Variants in PPP1R13L observed in about 807,000 individuals in gnomAD.
The protein encoded by PPP1R13L is protein phosphatase 1 regulatory subunit 13 like.
Under a neutral mutation model 80.9 loss-of-function variants are expected in PPP1R13L, and 50 were observed. The observed-to-expected ratio is 0.62, with a 90% CI of 0.49 to 0.78. PPP1R13L has a LOEUF of 0.78. Ranked by LOEUF, PPP1R13L falls within the 30% of genes least tolerant of loss-of-function variation. The pLI is 0.00. For synonymous variants in PPP1R13L, 602 were observed against 534.3 expected (o/e 1.13, Z -1.75); for missense variants, 1,200 against 1,205.9 (o/e 1.00, Z 0.07).
Position 45,386,082 on chromosome 19 carries a change from C to T in PPP1R13L, c.1914G>A (p.Gly638=), listed in dbSNP as rs757681505. ...LVLLLDAALT[G]ELEVVQQAVK... ...CCGCCTGCTGCACCACCTCCAGCTC[C>T]CCGGTCAGCGCCGCGTCCAGGAGGA... is the stretch of plus-strand genomic sequence containing the variant. The change falls in exon 9 of 13, where the codon GGG becomes GGA. Residue 638 remains glycine, a synonymous_variant. Coordinates refer to ENST00000360957, the MANE Select transcript of PPP1R13L (RefSeq NM_006663.4). 3 of 1,581,868 alleles carry T rather than the reference C, an allele frequency of 1.9e-6. No individual in the cohort carries two copies. In the African/African-American group the frequency reaches 4.0e-5, roughly 21 times the overall value.
intron 8 of PPP1R13L, among the ~76,000 whole-genome samples, chr19:45,388,737 CTTTTA>C (rs1384397307): frequency 2.0e-5 from 3 of 151,102 alleles, no homozygotes; most frequent in Non-Finnish European, 2.9e-5. Context: ...GAAGAGTTTC[CTTTTA>C]TTTTATTTTA....
chr19:45,396,314 A>C lies in PPP1R13L; in HGVS notation c.811+24T>G, dbSNP rs762861156. ...GGGCTGCCTCTCCTCCGGGTCCTCC[A>C]TTCCCCGGGCCTCCACCACTCACGT... On this transcript the variant is annotated intron_variant, in intron 5 of 12. Coordinates refer to ENST00000360957, the MANE Select transcript of PPP1R13L (RefSeq NM_006663.4). This position sits in a 1 kb window ranked among gnomAD's most constrained non-coding sequence, Gnocchi z 5.3. 1.8e-5 allele frequency: 29 copies of C among 1,613,788 alleles called. No individual in the cohort carries two copies. In the South Asian group the frequency reaches 3.1e-4, roughly 17 times the overall value.
chr19:45,380,010 A>G lies in PPP1R13L; in HGVS notation c.*180T>C, dbSNP rs112443418. On this transcript the variant is annotated 3_prime_UTR_variant, in exon 13 of 13. Coordinates refer to ENST00000360957, the MANE Select transcript of PPP1R13L (RefSeq NM_006663.4). Reference sequence around the variant, plus strand: ...CTCCCAAGGCTAAGGCAGATTACTAAATTTAAGGCTGGGGCCCTCCTTCTT... The same window carrying G: ...CTCCCAAGGCTAAGGCAGATTACTAGATTTAAGGCTGGGGCCCTCCTTCTT... 5.3e-3 allele frequency: 3,595 copies of G among 677,488 alleles called. 95 individuals are homozygous for G. The African/African-American group carries it at 0.057, about 11-fold the overall frequency. 42.0% of individuals were successfully genotyped at this position (677,488 alleles called of 1,614,324 possible). A position where few individuals can be genotyped will look rare whatever the true frequency, so the allele number is the denominator to read the frequency against.
Position 45,391,990 on chromosome 19 carries a change from T to TG in PPP1R13L, c.1704dup (p.Ile569HisfsTer3), listed in dbSNP as rs750130710. 1 of 1,530,476 alleles carries TG rather than the reference T, an allele frequency of 6.5e-7. No homozygotes were observed. The highest frequency in any genetic ancestry group is 8.8e-7 in the Non-Finnish European group (1 of 1,141,810). The allele number at this position is 1,530,476 out of a possible 1,614,324, so 94.8% of individuals were successfully genotyped here. A position where few individuals can be genotyped will look rare whatever the true frequency, so the allele number is the denominator to read the frequency against. Reference sequence around the variant, plus strand: ...GCCCTGGCCTCAGATCCCTCAGTGATGGGGGACAGCTCTGGCTCCGGCCCC... The same window carrying TG: ...GCCCTGGCCTCAGATCCCTCAGTGATGGGGGGACAGCTCTGGCTCCGGCCCC... On this transcript the variant is annotated frameshift_variant, in exon 8 of 13. Coordinates refer to ENST00000360957, the MANE Select transcript of PPP1R13L (RefSeq NM_006663.4). LOFTEE classifies it high-confidence loss of function.
intron 7 of PPP1R13L, chr19:45,395,136 T>G (rs925842314): frequency 8.0e-6 from 3 of 372,838 alleles, no homozygotes; most frequent in Non-Finnish European, 1.5e-5. Flanking sequence ...TGAGCCACCG[T>G]GCCCGGCCCA....
chr19:45,382,157 G>C (rs1345463608), intron 12 of PPP1R13L, among the ~76,000 whole-genome samples: 2 of 151,620 alleles, frequency 1.3e-5, no homozygotes, highest in Non-Finnish European at 2.9e-5. Context: ...AGCCCGGGTG[G>C]GGGGGGCCCG....
At position 45,396,776 on chromosome 19, in the gene PPP1R13L, GCCGC is replaced by G; in HGVS notation, c.477_480del (p.Arg160ProfsTer63). On this transcript the variant is annotated frameshift_variant, in exon 4 of 13. Transcript: ENST00000360957. LOFTEE classifies it high-confidence loss of function. This position sits in a 1 kb window ranked among gnomAD's most constrained non-coding sequence, Gnocchi z 5.3. ...TGCTGGCGGAGCGGGCCTGGCCCGGGCCGCGGGGAGGGCGCACGGCCGAGGGAGC... is the reference window on the plus strand; with the variant it reads ...TGCTGGCGGAGCGGGCCTGGCCCGGGGGGGAGGGCGCACGGCCGAGGGAGC... 13 of 1,355,456 alleles carry G rather than the reference GCCGC, an allele frequency of 9.6e-6. No individual in the cohort carries two copies. Among genetic ancestry groups the G allele is most frequent in the Non-Finnish European group, 1.2e-5 (13 of 1,064,388 alleles). 84.0% of individuals were successfully genotyped at this position (1,355,456 alleles called of 1,614,324 possible). A position where few individuals can be genotyped will look rare whatever the true frequency, so the allele number is the denominator to read the frequency against.
At position 45,396,920 on chromosome 19, in the gene PPP1R13L, A is replaced by G; in HGVS notation, c.337T>C (p.Ser113Pro). 2.0e-6 allele frequency: 3 copies of G among 1,490,462 alleles called. No homozygotes were observed. The highest frequency in any genetic ancestry group is 2.7e-5 in the South Asian group (2 of 74,674). 92.3% of individuals were successfully genotyped at this position (1,490,462 alleles called of 1,614,324 possible). ...GGCGACGACGGCCGTCCCTTGGGGG[A>G]CAGCGGGCTGTAGGGGTGTAGGGTT... is the stretch of plus-strand genomic sequence containing the variant. ...APTLHPYSPLSPKGRPSSPRT... is the reference protein window; with the variant it reads ...APTLHPYSPLPPKGRPSSPRT... The change falls in exon 4 of 13, where the codon TCC (serine) becomes CCC (proline). Residue 113 changes from serine to proline, a missense_variant. Around this residue, in one of 5 missense-constraint regions of PPP1R13L, gnomAD observed 764 missense variants for 714.5 expected, o/e 1.07. Transcript: ENST00000360957. The surrounding 1 kb of genome is among the most constrained non-coding windows in gnomAD (Gnocchi z 5.3).
Position 45,391,960 on chromosome 19 carries a change from GC to G in PPP1R13L, c.1734del (p.Pro580LeufsTer57). 6.6e-7 allele frequency: 1 copy of G among 1,513,906 alleles called. No homozygotes were observed. The highest frequency in any genetic ancestry group is 8.8e-7 in the Non-Finnish European group (1 of 1,133,078). The allele number at this position is 1,513,906 out of a possible 1,614,324, so 93.8% of individuals were successfully genotyped here. On this transcript the variant is annotated frameshift_variant, in exon 8 of 13. Transcript: ENST00000360957. LOFTEE classifies it high-confidence loss of function. ...PITEGSEARA[G>X]PPAPAPPAPI... ...GGAGCTGGTGGGGCAGGAGCAGGGG[GC>G]CCTGCCCTGGCCTCAGATCCCTCAG...
rs1376791124 is a variant in PPP1R13L, at chr19:45,396,508, G to T, written c.712+37C>A. The T allele has an allele frequency of 3.1e-6, 5 of 1,603,078 alleles. No homozygotes were observed. Among genetic ancestry groups the T allele is most frequent in the Non-Finnish European group, 4.3e-6 (5 of 1,176,072 alleles). Reference sequence around the variant, plus strand: ...CCCGGATCCTGCCCGCTTTGACCCCGCGAGTCAAAGGCCCCGCGAGGGGCC... The same window carrying T: ...CCCGGATCCTGCCCGCTTTGACCCCTCGAGTCAAAGGCCCCGCGAGGGGCC... On this transcript the variant is annotated intron_variant, in intron 4 of 12. Transcript: ENST00000360957. This position sits in a 1 kb window ranked among gnomAD's most constrained non-coding sequence, Gnocchi z 5.3.
At chr19:45,405,329 G>C (rs1973313242), upstream of PPP1R13L, among the ~76,000 whole-genome samples, 2 of 152,222 alleles carry the variant, frequency 1.3e-5, no homozygotes, top group Admixed American at 6.5e-5. Flanking sequence ...TGTGGCTGGA[G>C]ACTGACTCCT....
chr19:45,380,793 T>C (rs1972746875), intron 12 of PPP1R13L, among the ~76,000 whole-genome samples: 1 of 150,468 alleles, frequency 6.6e-6, no homozygotes, highest in African/African-American at 2.4e-5. Flanking sequence ...CACTCCAGCC[T>C]GGGCGACGCA....
Position 45,391,595 on chromosome 19 carries a change from C to T in PPP1R13L, c.1815+285G>A, listed in dbSNP as rs1599768839. Among the ~76,000 whole-genome samples the T allele has an allele frequency of 2.0e-5, 3 of 152,308 alleles. No individual in the cohort carries two copies. The South Asian group carries it at 6.2e-4, about 32-fold the overall frequency. ...TGCCTGAAACAGGAAAGGGCACTTT[C>T]TCTTCTTCTTTCTCTCTTCCTGGCT... On this transcript the variant is annotated intron_variant, in intron 8 of 12. Coordinates refer to ENST00000360957, the MANE Select transcript of PPP1R13L (RefSeq NM_006663.4).
At chr19:45,395,348 G>C (rs1237805712) in intron 7 of PPP1R13L, 88 bp downstream of exon 7, 2 of 1,519,020 alleles carry the variant, frequency 1.3e-6, no homozygotes, top group Non-Finnish European at 8.9e-7. Context: ...ATTTGGCTGT[G>C]ATCTCCCCAC....
chr19:45,386,020 G>A (rs765911986), intron 9 of PPP1R13L, 29 bp downstream of exon 9: 5 of 1,586,852 alleles, frequency 3.2e-6, no homozygotes, highest in African/African-American at 2.7e-5. Flanking sequence ...TGCCCCCGCC[G>A]TGCCCACCTC....
At chr19:45,399,611 G>T (rs1296249989) in intron 1 of PPP1R13L, among the ~76,000 whole-genome samples, 1 of 147,842 alleles carries the variant, frequency 6.8e-6, no homozygotes, top group African/African-American at 2.5e-5. Flanking sequence ...GCGACAGTGC[G>T]AGACTCCGTC....
chr19:45,387,696 G>A (rs528215588), intron 8 of PPP1R13L, among the ~76,000 whole-genome samples: 5 of 152,070 alleles, frequency 3.3e-5, no homozygotes, highest in East Asian at 1.9e-4. Flanking sequence ...CTGGGACTAC[G>A]GGCGCCCGCC....
At chr19:45,389,460 A>C (rs28670042) in intron 8 of PPP1R13L, among the ~76,000 whole-genome samples, 42,200 of 152,072 alleles carry the variant, frequency 0.28, 6,014 homozygotes, top group African/African-American at 0.32. Context: ...AATGGTGACA[A>C]CAGTAAGAGC....
Position 45,396,807 on chromosome 19 carries a change from G to C in PPP1R13L, c.450C>G (p.Gly150=). ...SPRPRAFDGA[G]SSLGRAPSPR... ...GGGAGGGCGCACGGCCGAGGGAGCT[G>C]CCTGCGCCATCGAAGGCGCGGGGCC... The change falls in exon 4 of 13, where the codon GGC becomes GGG. Residue 150 remains glycine (G), a synonymous_variant. Transcript: ENST00000360957. This position sits in a 1 kb window ranked among gnomAD's most constrained non-coding sequence, Gnocchi z 5.3. 1 of 1,429,498 alleles carries C rather than the reference G, an allele frequency of 7.0e-7. No homozygotes were observed. Among genetic ancestry groups the C allele is most frequent in the Non-Finnish European group, 9.1e-7 (1 of 1,099,636 alleles). 88.6% of individuals were successfully genotyped at this position (1,429,498 alleles called of 1,614,324 possible). A position where few individuals can be genotyped will look rare whatever the true frequency, so the allele number is the denominator to read the frequency against.
Sources: allele counts gnomAD v4.1 joint callset (sites outside exome capture counted in the v4.1 genomes callset), GRCh38; gene constraint gnomAD v4.1.1; regional missense constraint gnomAD v4.1.1; non-coding constraint Gnocchi (gnomAD v3.1); transcripts MANE v1.5; gene names NCBI Gene and HGNC (gene_info 2026-07-23, HGNC 2026-07-21).